The following DNER variants were observed in gnomAD, a reference collection of about 807,000 sequenced individuals.
DNER encodes delta and Notch-like epidermal growth factor-related receptor.
Under a neutral mutation model 78.2 loss-of-function variants are expected in DNER, and 33 were observed. That is an observed-to-expected ratio of 0.42 (90% CI 0.32 to 0.56). The LOEUF (loss-of-function observed/expected upper bound fraction) is 0.56. Among genes scored for constraint, DNER ranks in the 20% least tolerant of loss-of-function variants. The pLI is 0.11. For synonymous variants in DNER, 417 were observed against 384.8 expected (o/e 1.08, Z -0.98); for missense variants, 918 against 975.3 (o/e 0.94, Z 0.78).
At chr2:229,463,409 T>C (rs577090066) in intron 7 of DNER, among the ~76,000 whole-genome samples, 2 of 152,278 alleles carry the variant, frequency 1.3e-5, no homozygotes, top group Admixed American at 6.5e-5. Context: ...GATATATAAA[T>C]GAATAATCAC....
intron 4 of DNER, among the ~76,000 whole-genome samples, chr2:229,578,860 A>G (rs10519389): frequency 0.12 from 18,972 of 152,240 alleles, 2,678 homozygotes; most frequent in African/African-American, 0.34. Context: ...AGGACTACCC[A>G]GAAATTCACA....
intron 10 of DNER, among the ~76,000 whole-genome samples, chr2:229,394,388 G>A (rs968081423): frequency 1.3e-5 from 2 of 151,748 alleles, no homozygotes; most frequent in Non-Finnish European, 3.0e-5. Flanking sequence ...GCTTCTCTTC[G>A]TAAGTCCCTA....
intron 9 of DNER, among the ~76,000 whole-genome samples, chr2:229,417,116 C>A (rs570260630): frequency 4.6e-5 from 7 of 152,184 alleles, no homozygotes; most frequent in African/African-American, 1.7e-4. Context: ...ATCTGTGGAA[C>A]ACAAAGTCAA....
intron 1 of DNER, among the ~76,000 whole-genome samples, chr2:229,649,531 C>T (rs1039946592): frequency 4.6e-5 from 7 of 152,170 alleles, no homozygotes; most frequent in Non-Finnish European, 7.3e-5. Context: ...GCTACCAATA[C>T]GATGTCACTG....
chr2:229,454,942 T>C (rs949100645), intron 7 of DNER, among the ~76,000 whole-genome samples: 2 of 151,056 alleles, frequency 1.3e-5, no homozygotes, highest in Admixed American at 6.6e-5. Flanking sequence ...AGAAAATGAA[T>C]GCAAGGTATA....
chr2:229,428,900 A>G (rs936925785), intron 8 of DNER, among the ~76,000 whole-genome samples: 6 of 152,140 alleles, frequency 3.9e-5, no homozygotes, highest in Non-Finnish European at 5.9e-5. Flanking sequence ...ACCCAGAGTT[A>G]TCAAGATGGA....
chr2:229,679,640 T>C (rs939363715), intron 1 of DNER, among the ~76,000 whole-genome samples: 7 of 152,176 alleles, frequency 4.6e-5, no homozygotes, highest in Admixed American at 4.6e-4. Context: ...TCAGTAGAAA[T>C]ATCAAGACCT....
At position 229,371,366 on chromosome 2, in the gene DNER, G is replaced by A. The variant is rs990200302; in HGVS notation, c.1856-4247C>T. Among the ~76,000 whole-genome samples the A allele has an allele frequency of 6.6e-5, 10 of 152,312 alleles. No individual in the cohort carries two copies. In the East Asian group the frequency reaches 7.7e-4, roughly 12 times the overall value. The stretch of plus-strand genomic sequence containing the variant: ...TTGTTGACTATGTTTGCTACAGCAT[G>A]GCACTGGGAAGAATTGTGAACCAGA... On this transcript the variant is annotated intron_variant, in intron 11 of 12. Transcript: ENST00000341772.
At chr2:229,444,592 A>G (rs186831228) in intron 8 of DNER, among the ~76,000 whole-genome samples, 4 of 152,330 alleles carry the variant, frequency 2.6e-5, no homozygotes, top group Admixed American at 2.6e-4. Context: ...TCAACTAACT[A>G]TAAGAAAAAG....
At chr2:229,519,737 T>A (rs1383762276) in intron 5 of DNER, among the ~76,000 whole-genome samples, 1 of 152,192 alleles carries the variant, frequency 6.6e-6, no homozygotes, top group African/African-American at 2.4e-5. Flanking sequence ...CTTAAGGGCA[T>A]CTGCTAGGTC....
chr2:229,611,897 G>A (rs1698055396), intron 1 of DNER, among the ~76,000 whole-genome samples: 1 of 152,194 alleles, frequency 6.6e-6, no homozygotes, highest in Non-Finnish European at 1.5e-5. Context: ...ACTCAGTCCT[G>A]AGTCTCTTTG....
chr2:229,658,115 G>A (rs1698942922), intron 1 of DNER, among the ~76,000 whole-genome samples: 1 of 152,170 alleles, frequency 6.6e-6, no homozygotes, highest in Non-Finnish European at 1.5e-5. Flanking sequence ...CTATCTTTAT[G>A]ATCAGGGAGT....
intron 1 of DNER, among the ~76,000 whole-genome samples, chr2:229,688,284 T>C (rs759597331): frequency 3.8e-4 from 58 of 152,310 alleles, no homozygotes; most frequent in Non-Finnish European, 2.4e-4. Flanking sequence ...TATCCCAGAC[T>C]TCTCTGTAGC....
chr2:229,437,999 T>C (rs1694158889), intron 8 of DNER, among the ~76,000 whole-genome samples: 1 of 152,154 alleles, frequency 6.6e-6, no homozygotes, highest in African/African-American at 2.4e-5. Context: ...CATTTCTCAT[T>C]TGAGTCACAG....
chr2:229,458,978 G>A (rs1694634848), intron 7 of DNER, among the ~76,000 whole-genome samples: 2 of 151,812 alleles, frequency 1.3e-5, no homozygotes, highest in African/African-American at 4.8e-5. Flanking sequence ...CTAGTAATAA[G>A]CAACTGGAAA....
chr2:229,636,786 A>G (rs1698538230), intron 1 of DNER, among the ~76,000 whole-genome samples: 1 of 152,122 alleles, frequency 6.6e-6, no homozygotes, highest in Non-Finnish European at 1.5e-5. Context: ...GAGCTAATCA[A>G]TGGAATGTAA....
At chr2:229,518,203 G>A (rs942419855) in intron 5 of DNER, among the ~76,000 whole-genome samples, 1 of 152,258 alleles carries the variant, frequency 6.6e-6, no homozygotes, top group Non-Finnish European at 1.5e-5. Flanking sequence ...TCTTTACTCA[G>A]CATTATAAAA....
chr2:229,668,550 A>G (rs1464660982), intron 1 of DNER, among the ~76,000 whole-genome samples: 6,430 of 55,584 alleles, frequency 0.12, 349 homozygotes, highest in South Asian at 0.17. Flanking sequence ...ATATATATAT[A>G]TATATATATA....
At position 229,567,946 on chromosome 2, in the gene DNER, A is replaced by G. The variant is rs569881735; in HGVS notation, c.847+17912T>C. On this transcript the variant is annotated intron_variant, in intron 4 of 12. Coordinates refer to ENST00000341772, the MANE Select transcript of DNER (RefSeq NM_139072.4). ...GTCAATGCAGCAAATTAAAAATTCAATCCCTCTCCCTCACAGTCTTTACTG... is the reference window on the plus strand; with the variant it reads ...GTCAATGCAGCAAATTAAAAATTCAGTCCCTCTCCCTCACAGTCTTTACTG... 8.5e-5 allele frequency among the ~76,000 whole-genome samples: 13 copies of G among 152,290 alleles called. 1 individual carries two copies. The South Asian group carries it at 2.3e-3, about 27-fold the overall frequency.
Sources: gnomAD v4.1 joint callset for allele counts (sites outside exome capture counted in the v4.1 genomes callset) on GRCh38, gnomAD v4.1.1 for gene constraint, MANE v1.5 for transcripts, NCBI Gene and HGNC (gene_info 2026-07-23, HGNC 2026-07-21) for gene names.